The following SPECC1 variants were observed in gnomAD, a reference collection of about 807,000 sequenced individuals.
The protein encoded by SPECC1 is cytospin-B.
SPECC1 carries 62 observed loss-of-function variants against 104.1 expected under a neutral mutation model. That is an observed-to-expected ratio of 0.60 (90% CI 0.49 to 0.74). SPECC1 has a LOEUF of 0.74. Ranked by LOEUF, SPECC1 falls within the 30% of genes least tolerant of loss-of-function variation. SPECC1 has a pLI of 0.00. For synonymous variants in SPECC1, 513 were observed against 501.6 expected, an observed-to-expected ratio of 1.02 and a Z score of -0.30; for missense variants, 1,306 against 1,310.5, an observed-to-expected ratio of 1.00 and a Z score of 0.05.
intron 13 of SPECC1, among the ~76,000 whole-genome samples, chr17:20,299,585 GAAA>G (rs938775339): frequency 2.3e-5 from 3 of 128,282 alleles, no homozygotes; most frequent in African/African-American, 9.0e-5. Context: ...AAAAAGAAAA[GAAA>G]AAAAACCTTC....
At chr17:20,267,977 C>G (rs2151622675) in intron 12 of SPECC1, among the ~76,000 whole-genome samples, 1 of 152,132 alleles carries the variant, frequency 6.6e-6, no homozygotes, top group East Asian at 1.9e-4. Context: ...TCTGTTACCT[C>G]CCAGGAGGCA....
chr17:20,302,993 T>TA (rs1359836202), intron 13 of SPECC1, among the ~76,000 whole-genome samples: 1 of 151,596 alleles, frequency 6.6e-6, no homozygotes, highest in African/African-American at 2.4e-5. Flanking sequence ...CGTTAGACCT[T>TA]ACTAGTAATC....
At chr17:20,114,514 T>TTA (rs1397220851) in intron 3 of SPECC1, among the ~76,000 whole-genome samples, 2 of 151,512 alleles carry the variant, frequency 1.3e-5, no homozygotes, top group African/African-American at 4.9e-5. Context: ...TTTTTTTTTT[T>TTA]AGTGAAATTT....
chr17:20,112,914 T>G (rs1039692983), intron 3 of SPECC1: 38 of 1,526,534 alleles, frequency 2.5e-5, no homozygotes, highest in Non-Finnish European at 3.2e-5. Context: ...GAAGCCAACC[T>G]GAGAGGGTCC....
chr17:20,157,301 A>G lies in SPECC1; in HGVS notation c.283+46739A>G, dbSNP rs1232528990. Among the ~76,000 whole-genome samples, 3 of 152,118 alleles carry G rather than the reference A, an allele frequency of 2.0e-5. No individual in the cohort carries two copies. The East Asian group carries it at 5.8e-4, about 29-fold the overall frequency. On this transcript the variant is annotated intron_variant, in intron 3 of 14. Coordinates refer to ENST00000395527, the MANE Select transcript of SPECC1 (RefSeq NM_001243439.2). Reference sequence around the variant, plus strand: ...ACATTGGACTGGTACCACAGCCAGGATGGAAAACTTGGACGGGCTGTCCAA... The same window carrying G: ...ACATTGGACTGGTACCACAGCCAGGGTGGAAAACTTGGACGGGCTGTCCAA...
At chr17:20,035,412 T>C (rs1411329659) in intron 1 of SPECC1, among the ~76,000 whole-genome samples, 1 of 152,226 alleles carries the variant, frequency 6.6e-6, no homozygotes, top group African/African-American at 2.4e-5. Context: ...TTCCAACCTA[T>C]AAGCATGGTA....
At chr17:20,173,256 G>C (rs1359506790) in intron 3 of SPECC1, among the ~76,000 whole-genome samples, 1 of 152,174 alleles carries the variant, frequency 6.6e-6, no homozygotes, top group Non-Finnish European at 1.5e-5. Context: ...TGACCTAAAG[G>C]TTTCTGTTTT....
intron 7 of SPECC1, chr17:20,237,245 G>A: frequency 8.1e-7 from 1 of 1,226,996 alleles, no homozygotes; most frequent in Non-Finnish European, 1.0e-6. Context: ...CAGAGCAGAT[G>A]CAGAGCTGGG....
chr17:20,122,749 C>T (rs749595033), intron 3 of SPECC1, among the ~76,000 whole-genome samples: 2 of 152,166 alleles, frequency 1.3e-5, no homozygotes, highest in Admixed American at 6.5e-5. Flanking sequence ...CTTTTGCAAC[C>T]GGCTTATTTC....
chr17:20,237,687 A>G (rs955043329), intron 7 of SPECC1: 1 of 195,888 alleles, frequency 5.1e-6, no homozygotes, highest in African/African-American at 2.3e-5. Context: ...TCATCTTGGA[A>G]TTCACATTAC....
chr17:20,266,725 A>C (rs1306067151), intron 12 of SPECC1, among the ~76,000 whole-genome samples: 1 of 152,146 alleles, frequency 6.6e-6, no homozygotes, highest in African/African-American at 2.4e-5. Flanking sequence ...CGGTATTTGA[A>C]GGTTGTATTG....
chr17:20,169,766 A>G (rs2033944613), intron 3 of SPECC1, among the ~76,000 whole-genome samples: 1 of 152,000 alleles, frequency 6.6e-6, no homozygotes, highest in Admixed American at 6.6e-5. Flanking sequence ...GCCTCCCAAA[A>G]TGCTGGTGTA....
At chr17:20,155,428 G>C (rs1332528130) in intron 3 of SPECC1, 1 of 152,188 alleles carries the variant, frequency 6.6e-6, no homozygotes, top group Non-Finnish European at 1.5e-5. Flanking sequence ...TGTTTTCACT[G>C]TCAGATGAAG....
At chr17:20,110,185 A>G (rs1026988383) in intron 2 of SPECC1, among the ~76,000 whole-genome samples, 10 of 152,188 alleles carry the variant, frequency 6.6e-5, no homozygotes, top group African/African-American at 2.4e-4. Flanking sequence ...GGTATTCTTC[A>G]CGCACAGTCT....
At chr17:20,271,531 T>G (rs1439505483) in intron 12 of SPECC1, among the ~76,000 whole-genome samples, 1 of 152,114 alleles carries the variant, frequency 6.6e-6, no homozygotes, top group Non-Finnish European at 1.5e-5. Context: ...GTCTGTTTAC[T>G]TAGTTTTGTA....
intron 3 of SPECC1, among the ~76,000 whole-genome samples, chr17:20,152,779 C>T (rs2032131624): frequency 6.6e-6 from 1 of 152,272 alleles, no homozygotes; most frequent in African/African-American, 2.4e-5. Context: ...TCAAGCGATT[C>T]TCCTGCCTCA....
At chr17:20,030,928 C>G (rs1247920379) in intron 1 of SPECC1, among the ~76,000 whole-genome samples, 2 of 152,168 alleles carry the variant, frequency 1.3e-5, no homozygotes, top group Non-Finnish European at 2.9e-5. Context: ...CTTGGTCCTG[C>G]ACATCTTTCT....
intron 2 of SPECC1, among the ~76,000 whole-genome samples, chr17:20,105,094 T>A (rs2048131737): frequency 1.3e-5 from 2 of 152,056 alleles, no homozygotes; most frequent in African/African-American, 4.8e-5. Flanking sequence ...GCTTTCTCTT[T>A]TTTTTTTCGG....
intron 3 of SPECC1, among the ~76,000 whole-genome samples, chr17:20,185,496 G>A (rs1006609907): frequency 6.6e-6 from 1 of 152,228 alleles, no homozygotes; most frequent in African/African-American, 2.4e-5. Flanking sequence ...ATCTCAGCCA[G>A]GGTTTCGGAT....
Sources: gnomAD v4.1 joint callset for allele counts (sites outside exome capture counted in the v4.1 genomes callset) on GRCh38, gnomAD v4.1.1 for gene constraint, MANE v1.5 for transcripts, NCBI Gene and HGNC (gene_info 2026-07-23, HGNC 2026-07-21) for gene names.